The following BRWD3 variants were observed in gnomAD, a reference collection of about 807,000 sequenced individuals.
BRWD3 encodes bromodomain and WD repeat-containing protein 3.
In BRWD3, 10 loss-of-function variants were observed where a neutral mutation model predicts 149.7. That is an observed-to-expected ratio of 0.07 (90% CI 0.04 to 0.11). BRWD3 has a LOEUF of 0.11. Ranked by LOEUF, BRWD3 falls within the 10% of genes least tolerant of loss-of-function variation. The probability of loss-of-function intolerance (pLI) is 1.00; values close to 1 mark genes in which losing one functional copy is unlikely to be tolerated. For missense variants in BRWD3, 940 were observed against 1,373.2 expected (o/e 0.68, Z 4.99); for synonymous variants, 504 against 456.7 (o/e 1.10, Z -1.32).
intron 22 of BRWD3, among the ~76,000 whole-genome samples, chrX:80,705,840 T>C (rs1447064506): frequency 8.9e-6 from 1 of 111,928 alleles, no homozygotes; most frequent in East Asian, 2.8e-4. Context: ...TTAACATGAA[T>C]GGAGTTTATA....
chrX:80,726,334 ACATGT>A (rs2073246390), intron 14 of BRWD3, among the ~76,000 whole-genome samples: 4 of 95,853 alleles, frequency 4.2e-5, no homozygotes, highest in African/African-American at 1.6e-4. Context: ...TAACATGTTT[ACATGT>A]TATGTCTGTA....
intron 6 of BRWD3, among the ~76,000 whole-genome samples, chrX:80,784,392 TTTTTA>T (rs1005362254): frequency 1.8e-5 from 2 of 112,089 alleles, no homozygotes; most frequent in Non-Finnish European, 3.8e-5. Flanking sequence ...AACACACTTT[TTTTTA>T]TTTTAAGTTC....
intron 4 of BRWD3, among the ~76,000 whole-genome samples, chrX:80,796,975 A>T (rs1475842896): frequency 9.0e-6 from 1 of 110,911 alleles, no homozygotes; most frequent in Non-Finnish European, 1.9e-5. Flanking sequence ...GGAGTTCGAG[A>T]CTCGCCTGGT....
rs369328692 is a variant in BRWD3, at chrX:80,682,527, C to A, written c.4335G>T (p.Arg1445Ser). The A allele has an allele frequency of 8.3e-7, 1 of 1,210,181 alleles. No homozygotes were observed. Among genetic ancestry groups the A allele is most frequent in the Non-Finnish European group, 1.1e-6 (1 of 894,561 alleles). Residue 1445 changes from arginine (R) to serine (S), a missense_variant, in exon 38 of 41, where the codon AGG becomes AGT. By Grantham distance (110) the Arg-to-Ser change is moderately radical. Coordinates refer to ENST00000373275, the MANE Select transcript of BRWD3 (RefSeq NM_153252.5). The stretch of plus-strand genomic sequence containing the variant: ...TTCTTAGACGTTTTCTGTACCGTGG[C>A]CTTCTCCTCTTCTGACTCTGGATTG... ...KSAIQSQKRR[R>S]PRYRKRLRSS... is the part of the protein sequence containing the mutation.
chrX:80,706,244 G>C (rs1478871814), intron 22 of BRWD3, among the ~76,000 whole-genome samples: 1 of 110,287 alleles, frequency 9.1e-6, no homozygotes, highest in South Asian at 3.8e-4. Context: ...AAGTAGCTGG[G>C]ATTACAGGCC....
intron 6 of BRWD3, among the ~76,000 whole-genome samples, chrX:80,777,144 C>T (rs1352976721): frequency 2.0e-5 from 2 of 100,235 alleles, no homozygotes; most frequent in Non-Finnish European, 4.0e-5. Flanking sequence ...ACTCTTAAGA[C>T]CCCCCCCCAC....
At chrX:80,763,216 G>A (rs941336923) in intron 6 of BRWD3, among the ~76,000 whole-genome samples, 1 of 111,336 alleles carries the variant, frequency 9.0e-6, no homozygotes, top group African/African-American at 3.3e-5. Context: ...GCATAGAAGG[G>A]TTAACTCACT....
chrX:80,730,930 A>G (rs1020474050), intron 12 of BRWD3, among the ~76,000 whole-genome samples: 6 of 111,718 alleles, frequency 5.4e-5, no homozygotes, highest in African/African-American at 1.9e-4. Context: ...GAATGTACCA[A>G]AATTTTTTCA....
chrX:80,730,429 GAA>G (rs1458540323), intron 12 of BRWD3, among the ~76,000 whole-genome samples: 1 of 108,942 alleles, frequency 9.2e-6, no homozygotes, highest in Admixed American at 9.9e-5. Flanking sequence ...AAGAAAGAAA[GAA>G]AGAAAGAAAG....
intron 14 of BRWD3, among the ~76,000 whole-genome samples, 167 bp downstream of exon 14, chrX:80,728,585 C>T (rs777691761): frequency 2.2e-4 from 24 of 111,321 alleles, no homozygotes; most frequent in African/African-American, 5.5e-4. Context: ...AGGTATAGCG[C>T]GTGTCATCCC....
rs991471994 is a variant in BRWD3 at position 80,734,315 on chromosome X, A to C, written c.986-97T>G. On this transcript the variant is annotated intron_variant, in intron 10 of 40. Coordinates refer to ENST00000373275, the MANE Select transcript of BRWD3 (RefSeq NM_153252.5). ...TGTATGCTACCTTGCATTAGTAAAA[A>C]GGCTTAAAGAAACACAAGGTTGTCT... 7 of 565,868 alleles carry C rather than the reference A, an allele frequency of 1.2e-5. No homozygotes were observed. In the South Asian group the frequency reaches 1.7e-4, roughly 14 times the overall value. 46.6% of individuals were successfully genotyped at this position (565,868 alleles called of 1,213,427 possible).
At chrX:80,767,668 TCTC>T (rs2073881190) in intron 6 of BRWD3, among the ~76,000 whole-genome samples, 1 of 110,820 alleles carries the variant, frequency 9.0e-6, no homozygotes, top group African/African-American at 3.3e-5. Flanking sequence ...GAGAGCCTCT[TCTC>T]CTCCAAAGGA....
intron 6 of BRWD3, among the ~76,000 whole-genome samples, chrX:80,772,659 G>T (rs2073958063): frequency 9.0e-6 from 1 of 110,657 alleles, no homozygotes; most frequent in Non-Finnish European, 1.9e-5. Context: ...ATTAAGAACA[G>T]AAATTAATAA....
intron 4 of BRWD3, among the ~76,000 whole-genome samples, chrX:80,801,852 T>A (rs1403996086): frequency 1.8e-5 from 2 of 108,953 alleles, no homozygotes; most frequent in Admixed American, 2.0e-4. Context: ...AGTAAATAAA[T>A]CTCAATAATA....
chrX:80,707,826 G>C (rs2072890510), intron 21 of BRWD3, among the ~76,000 whole-genome samples: 1 of 111,258 alleles, frequency 9.0e-6, no homozygotes, highest in Non-Finnish European at 1.9e-5. Flanking sequence ...ATATGTCTCT[G>C]TCGAGTTAAT....
intron 22 of BRWD3, among the ~76,000 whole-genome samples, chrX:80,705,200 A>G (rs2072845807): frequency 9.1e-6 from 1 of 109,336 alleles, no homozygotes; most frequent in South Asian, 4.0e-4. Flanking sequence ...CAAGAGGCAG[A>G]GGTTGCAGTG....
At chrX:80,702,946 A>G (rs966717957) in intron 24 of BRWD3, among the ~76,000 whole-genome samples, 6 of 111,844 alleles carry the variant, frequency 5.4e-5, no homozygotes, top group Non-Finnish European at 7.5e-5. Context: ...TTCATAATAA[A>G]CTGAAAGTTT....
At chrX:80,801,155 A>G (rs1188559964) in intron 4 of BRWD3, among the ~76,000 whole-genome samples, 2 of 108,227 alleles carry the variant, frequency 1.8e-5, no homozygotes, top group African/African-American at 6.7e-5. Context: ...ACCACAAATA[A>G]TTGAGACCCA....
chrX:80,787,726 C>T (rs1391906529), intron 6 of BRWD3, among the ~76,000 whole-genome samples: 1 of 111,700 alleles, frequency 9.0e-6, no homozygotes, highest in Non-Finnish European at 1.9e-5. Context: ...TATTCAAACA[C>T]AAAAAGTACA....
Sources: allele counts gnomAD v4.1 joint callset (sites outside exome capture counted in the v4.1 genomes callset), GRCh38; gene constraint gnomAD v4.1.1; transcripts MANE v1.5; gene names NCBI Gene and HGNC (gene_info 2026-07-23, HGNC 2026-07-21).